Variants in ADAMTS16 observed in about 807,000 individuals in gnomAD.
ADAMTS16 encodes the protein ADAM metallopeptidase with thrombospondin type 1 motif 16, also known as A disintegrin and metalloproteinase with thrombospondin motifs 16.
A neutral mutation model predicts 145.8 loss-of-function variants in ADAMTS16; 94 were observed. The ratio of observed to expected loss-of-function variants is 0.64; its 90% CI spans 0.55 to 0.77. The LOEUF (loss-of-function observed/expected upper bound fraction) is 0.77, where lower values mean the gene tolerates loss of function less well. Among genes scored for constraint, ADAMTS16 ranks in the 30% least tolerant of loss-of-function variants. The pLI, the probability that ADAMTS16 is intolerant of heterozygous loss-of-function variation, is 0.00. For synonymous variants in ADAMTS16, 659 were observed against 604.3 expected, an observed-to-expected ratio of 1.09 and a Z score of -1.33; for missense variants, 1,585 against 1,591.5, an observed-to-expected ratio of 1.00 and a Z score of 0.07.
chr5:5,213,089 T>C (rs1423894131), intron 10 of ADAMTS16, among the ~76,000 whole-genome samples: 1 of 152,246 alleles, frequency 6.6e-6, no homozygotes, highest in Non-Finnish European at 1.5e-5. Context: ...TTCCTTGCAC[T>C]ATCATTGACA....
intron 17 of ADAMTS16, among the ~76,000 whole-genome samples, chr5:5,248,696 G>A (rs1286992221): frequency 1.3e-5 from 2 of 152,136 alleles, no homozygotes; most frequent in East Asian, 3.9e-4. Flanking sequence ...TTGCCAAGGA[G>A]GCTCTCCATT....
At position 5,200,176 on chromosome 5, in the gene ADAMTS16, C is replaced by A; in HGVS notation, c.1358C>A (p.Ser453Tyr). 6.2e-7 allele frequency: 1 copy of A among 1,613,818 alleles called. No individual in the cohort carries two copies. Among genetic ancestry groups the A allele is most frequent in the Non-Finnish European group, 8.5e-7 (1 of 1,179,910 alleles). The part of the protein sequence containing the change: ...HDGEGNMCKK[S>Y]EGNIMSPTLA... The stretch of plus-strand genomic sequence containing the variant: ...GGAGAAGGGAACATGTGCAAAAAGT[C>A]CGAGGGCAACATCATGTCCCCTACA... Residue 453 changes from serine (S) to tyrosine (Y), a missense_variant, in exon 9 of 23, where the codon TCC (serine) becomes TAC (tyrosine). Around this residue, in one of 3 missense-constraint regions of ADAMTS16, gnomAD observed 298 missense variants for 367.6 expected, o/e 0.81. Coordinates refer to ENST00000274181, the MANE Select transcript of ADAMTS16 (RefSeq NM_139056.4).
chr5:5,216,028 A>ATTT (rs1736430073), intron 10 of ADAMTS16, among the ~76,000 whole-genome samples: 1 of 151,168 alleles, frequency 6.6e-6, no homozygotes, highest in South Asian at 2.1e-4. Context: ...TTTTTGAATA[A>ATTT]TGACTTATTT....
At chr5:5,301,725 C>T (rs959536473) in intron 18 of ADAMTS16, among the ~76,000 whole-genome samples, 3 of 152,190 alleles carry the variant, frequency 2.0e-5, no homozygotes, top group African/African-American at 7.2e-5. Context: ...AAAGGAGAAG[C>T]CTGAGCATCT....
intron 10 of ADAMTS16, among the ~76,000 whole-genome samples, chr5:5,217,349 A>G (rs1463190849): frequency 2.6e-5 from 4 of 152,174 alleles, no homozygotes; most frequent in African/African-American, 9.7e-5. Context: ...AAATTGACAA[A>G]TGGGATCTAA....
Position 5,222,230 on chromosome 5 carries a change from G to A in ADAMTS16, c.1606-559G>A, listed in dbSNP as rs1426865428. 2.6e-5 allele frequency among the ~76,000 whole-genome samples: 4 copies of A among 152,168 alleles called. No homozygotes were observed. The East Asian group carries it at 7.7e-4, about 29-fold the overall frequency. ...AAGACCAAGAGGCAAAGAAGGTCAT[G>A]TTCACAATGGAACCTCTTGCCTGGC... On this transcript the variant is annotated intron_variant, in intron 10 of 22. Coordinates refer to ENST00000274181, the MANE Select transcript of ADAMTS16 (RefSeq NM_139056.4).
rs1323794912 is a variant in ADAMTS16, at chr5:5,209,261, G to T, written c.1605+15G>T. The T allele has an allele frequency of 6.2e-7, 1 of 1,612,534 alleles. No individual in the cohort carries two copies. The highest frequency in any genetic ancestry group is 8.5e-7 in the Non-Finnish European group (1 of 1,179,160). On this transcript the variant is annotated intron_variant, in intron 10 of 22. Coordinates refer to ENST00000274181, the MANE Select transcript of ADAMTS16 (RefSeq NM_139056.4). Reference sequence around the variant, plus strand: ...ACTTTAAAAAGGCAAGTGATTATTGGCACATGCTCAATGCAACATGATTCA... The same window carrying T: ...ACTTTAAAAAGGCAAGTGATTATTGTCACATGCTCAATGCAACATGATTCA...
At chr5:5,248,383 C>A (rs1414154629) in intron 17 of ADAMTS16, among the ~76,000 whole-genome samples, 3 of 152,194 alleles carry the variant, frequency 2.0e-5, no homozygotes, top group Non-Finnish European at 4.4e-5. Context: ...AAGCACATTG[C>A]TCATCAAACT....
At chr5:5,189,877 A>T (rs1735610031) in intron 6 of ADAMTS16, 94 bp from the exon 7 acceptor site, 6 of 1,483,276 alleles carry the variant, frequency 4.0e-6, no homozygotes, top group Non-Finnish European at 5.5e-6. Context: ...TGTATTTGAA[A>T]TCCAGGTCAA....
At chr5:5,230,555 C>T (rs895926725) in intron 11 of ADAMTS16, among the ~76,000 whole-genome samples, 3 of 152,030 alleles carry the variant, frequency 2.0e-5, no homozygotes, top group South Asian at 2.1e-4. Flanking sequence ...TGAGACTGGA[C>T]GTGAGTTATT....
intron 4 of ADAMTS16, among the ~76,000 whole-genome samples, chr5:5,184,904 A>G (rs1735456691): frequency 6.6e-6 from 1 of 152,116 alleles, no homozygotes. Context: ...GTAATTAAGA[A>G]CAAGAGTTCT....
chr5:5,184,772 G>A (rs556672577), intron 4 of ADAMTS16, among the ~76,000 whole-genome samples: 5 of 152,026 alleles, frequency 3.3e-5, no homozygotes, highest in East Asian at 1.9e-4. Flanking sequence ...TTTCAGAGCC[G>A]AGGCCCGTGA....
Position 5,140,444 on chromosome 5 carries a change from C to T in ADAMTS16, c.-24C>T. The T allele has an allele frequency of 3.3e-6, 5 of 1,501,710 alleles. No individual in the cohort carries two copies. The highest frequency in any genetic ancestry group is 4.4e-6 in the Non-Finnish European group (5 of 1,133,560). 93.0% of individuals were successfully genotyped at this position (1,501,710 alleles called of 1,614,324 possible). ...GCCGGCCGGGGACCCTCCGGTGGCC[C>T]CTAGCCCCTCGGAGCGCTCCTGGAT... On this transcript the variant is annotated 5_prime_UTR_variant, in exon 1 of 23. Transcript: ENST00000274181.
intron 21 of ADAMTS16, among the ~76,000 whole-genome samples, chr5:5,312,450 T>TA (rs1334004934): frequency 2.8e-5 from 4 of 141,810 alleles, no homozygotes; most frequent in South Asian, 2.4e-4. Flanking sequence ...TTGTTGTTAT[T>TA]TTTTTTTTTT....
intron 18 of ADAMTS16, among the ~76,000 whole-genome samples, chr5:5,286,837 G>A (rs1446384787): frequency 3.8e-5 from 5 of 130,452 alleles, no homozygotes; most frequent in Admixed American, 2.7e-4. Flanking sequence ...CAGCCTGGGC[G>A]ATGGAGCAAG....
chr5:5,161,145 G>A (rs550216659), intron 3 of ADAMTS16, among the ~76,000 whole-genome samples: 2 of 152,272 alleles, frequency 1.3e-5, no homozygotes, highest in South Asian at 4.2e-4. Context: ...CTATCCAACA[G>A]ACATATGCAA....
At chr5:5,201,848 C>T (rs898112223) in intron 9 of ADAMTS16, among the ~76,000 whole-genome samples, 3 of 152,230 alleles carry the variant, frequency 2.0e-5, no homozygotes, top group African/African-American at 7.2e-5. Context: ...ATCCTGTAGA[C>T]TCTTCAGTTC....
chr5:5,187,371 G>A (rs896750824), intron 5 of ADAMTS16, among the ~76,000 whole-genome samples: 6 of 151,968 alleles, frequency 3.9e-5, no homozygotes, highest in South Asian at 2.1e-4. Flanking sequence ...CCATAAGTGC[G>A]AGAGTTTCTC....
chr5:5,153,324 G>C (rs1161927309), intron 3 of ADAMTS16, among the ~76,000 whole-genome samples: 2 of 152,176 alleles, frequency 1.3e-5, no homozygotes, highest in African/African-American at 2.4e-5. Context: ...TTTAATACCA[G>C]ACTATGAACT....
Sources: allele counts gnomAD v4.1 joint callset (sites outside exome capture counted in the v4.1 genomes callset), GRCh38; gene constraint gnomAD v4.1.1; regional missense constraint gnomAD v4.1.1; transcripts MANE v1.5; gene names NCBI Gene and HGNC (gene_info 2026-07-23, HGNC 2026-07-21).